FDFT1: variants seen among roughly 807,000 people sequenced by gnomAD.
The protein encoded by FDFT1 is farnesyl-diphosphate farnesyltransferase 1.
Under a neutral mutation model 46.8 loss-of-function variants are expected in FDFT1, and 68 were observed. The observed-to-expected ratio is 1.45, with a 90% CI of 1.19 to 1.78. The LOEUF is 1.78. FDFT1 is among the 40% of genes most tolerant of loss of function. The probability of loss-of-function intolerance (pLI) is 0.00; values close to 1 mark genes in which losing one functional copy is unlikely to be tolerated. For synonymous variants in FDFT1, 351 were observed against 185.1 expected (o/e 1.90, Z -7.28); for missense variants, 928 against 524.4 (o/e 1.77, Z -7.52).
At chr8:11,802,301 C>A (rs1183971936), upstream of FDFT1, 1 of 390,712 alleles carries the variant, frequency 2.6e-6, no homozygotes. Flanking sequence ...CTGGCAGGAG[C>A]CACCGAGGCC....
At chr8:11,825,540 A>C (rs1409182783) in intron 4 of FDFT1, among the ~76,000 whole-genome samples, 1 of 4,716 alleles carries the variant, frequency 2.1e-4, no homozygotes. Flanking sequence ...ACTTGATCTC[A>C]AAAAAAAAAA....
chr8:11,799,248 A>G (rs888156499), upstream of FDFT1, among the ~76,000 whole-genome samples: 1 of 152,194 alleles, frequency 6.6e-6, no homozygotes, highest in Non-Finnish European at 1.5e-5. Context: ...TTATCAGGAG[A>G]AAGTTACTGA....
At chr8:11,816,855 T>G (rs1808532776) in intron 3 of FDFT1, among the ~76,000 whole-genome samples, 1 of 152,218 alleles carries the variant, frequency 6.6e-6, no homozygotes, top group South Asian at 2.1e-4. Flanking sequence ...TGAATACCCT[T>G]TATTTCTTTC....
upstream of FDFT1, among the ~76,000 whole-genome samples, chr8:11,798,932 G>C (rs912362887): frequency 1.3e-5 from 2 of 152,232 alleles, no homozygotes; most frequent in African/African-American, 4.8e-5. Flanking sequence ...CATGCTTCCA[G>C]CTTAGACCAC....
chr8:11,814,709 C>T (rs1808200990), intron 3 of FDFT1, among the ~76,000 whole-genome samples: 1 of 152,186 alleles, frequency 6.6e-6, no homozygotes, highest in African/African-American at 2.4e-5. Flanking sequence ...TATTGGGCAG[C>T]ATGCCTCATA....
At chr8:11,796,008 T>C (rs1011926720) in exon 1 of FDFT1, 3 of 152,226 alleles carry the variant, frequency 2.0e-5, no homozygotes, top group Non-Finnish European at 4.4e-5. Flanking sequence ...CGACAGACTC[T>C]AAGGTGAAAG....
At chr8:11,837,400 T>C (rs1302772051) in intron 7 of FDFT1, among the ~76,000 whole-genome samples, 1 of 152,116 alleles carries the variant, frequency 6.6e-6, no homozygotes, top group Non-Finnish European at 1.5e-5. Flanking sequence ...CCCGGCTAAT[T>C]TTTGTACATT....
chr8:11,830,558 C>G, intron 6 of FDFT1, 138 bp downstream of exon 6: 2 of 648,840 alleles, frequency 3.1e-6, no homozygotes, highest in South Asian at 1.9e-5. Flanking sequence ...CTGGGAGTTT[C>G]ATAGCACCCG....
chr8:11,822,761 A>G (rs942149876), intron 4 of FDFT1, among the ~76,000 whole-genome samples: 4 of 152,204 alleles, frequency 2.6e-5, no homozygotes, highest in Non-Finnish European at 5.9e-5. Flanking sequence ...GGTTGCAGTG[A>G]GCCATGATTG....
chr8:11,806,050 T>C (rs895538152), intron 1 of FDFT1, among the ~76,000 whole-genome samples: 5 of 152,184 alleles, frequency 3.3e-5, no homozygotes, highest in Admixed American at 2.0e-4. Flanking sequence ...GAGAAATCTA[T>C]TCTATTTTAA....
intron 7 of FDFT1, among the ~76,000 whole-genome samples, chr8:11,834,759 G>A (rs1360853323): frequency 6.6e-6 from 1 of 152,234 alleles, no homozygotes; most frequent in African/African-American, 2.4e-5. Context: ...TCACAGAGGA[G>A]CTGCTGTATG....
At chr8:11,800,863 T>C (rs1393644386), upstream of FDFT1, among the ~76,000 whole-genome samples, 6 of 152,208 alleles carry the variant, frequency 3.9e-5, no homozygotes, top group Non-Finnish European at 8.8e-5. Flanking sequence ...AAACTAAGTT[T>C]TTAAGATTTT....
chr8:11,824,986 C>T (rs1809767519), intron 4 of FDFT1, among the ~76,000 whole-genome samples: 1 of 152,064 alleles, frequency 6.6e-6, no homozygotes, highest in Admixed American at 6.6e-5. Context: ...CCGCCCGTCT[C>T]AGCTTCCCAA....
At chr8:11,801,981 G>T (rs747584339), upstream of FDFT1, 5 of 455,818 alleles carry the variant, frequency 1.1e-5, no homozygotes, top group Non-Finnish European at 2.2e-5. Flanking sequence ...GAGCCACCAC[G>T]CCTGGACGGG....
intron 3 of FDFT1, among the ~76,000 whole-genome samples, chr8:11,817,320 C>T (rs1436558141): frequency 6.6e-6 from 1 of 152,148 alleles, no homozygotes; most frequent in Non-Finnish European, 1.5e-5. Flanking sequence ...GGATATTGGC[C>T]TAAAATTCTC....
chr8:11,810,519 C>T (rs1807562777), intron 3 of FDFT1, among the ~76,000 whole-genome samples: 1 of 152,174 alleles, frequency 6.6e-6, no homozygotes, highest in Non-Finnish European at 1.5e-5. Flanking sequence ...TAATTTCGCA[C>T]ATATAAAGTA....
intron 3 of FDFT1, among the ~76,000 whole-genome samples, chr8:11,813,192 G>A (rs565674371): frequency 6.6e-5 from 10 of 152,258 alleles, no homozygotes; most frequent in South Asian, 2.1e-4. Context: ...TCCAGTCTCC[G>A]TTGACTGAAA....
At chr8:11,826,389 C>G (rs1383978266) in intron 5 of FDFT1, among the ~76,000 whole-genome samples, 174 bp downstream of exon 5, 2 of 152,258 alleles carry the variant, frequency 1.3e-5, no homozygotes, top group Non-Finnish European at 2.9e-5. Context: ...GACTGGCTGA[C>G]TCCCAGGATT....
intron 1 of FDFT1, among the ~76,000 whole-genome samples, chr8:11,804,685 C>T (rs1002141944): frequency 3.0e-5 from 4 of 133,926 alleles, no homozygotes; most frequent in African/African-American, 1.1e-4. Flanking sequence ...CAGCTAGATG[C>T]AGCCTCCGCC....
Sources: allele counts gnomAD v4.1 joint callset (sites outside exome capture counted in the v4.1 genomes callset), GRCh38; gene constraint gnomAD v4.1.1; transcripts MANE v1.5; gene names NCBI Gene and HGNC (gene_info 2026-07-23, HGNC 2026-07-21).